SMAD1: variants seen among roughly 807,000 people sequenced by gnomAD.
SMAD1 encodes the protein SMAD family member 1, also known as MAD, mothers against decapentaplegic homolog 1.
SMAD1 carries 6 observed loss-of-function variants against 41.6 expected under a neutral mutation model. That is an observed-to-expected ratio of 0.14 (90% CI 0.08 to 0.28). The LOEUF (loss-of-function observed/expected upper bound fraction) is 0.28. SMAD1 is among the 10% of genes least tolerant of loss of function. SMAD1 has a pLI of 1.00. For synonymous variants in SMAD1, 206 were observed against 203.2 expected, an observed-to-expected ratio of 1.01 and a Z score of -0.12; for missense variants, 379 against 582.6, an observed-to-expected ratio of 0.65 and a Z score of 3.60.
At chr4:145,531,878 T>G (rs1452113679) in intron 2 of SMAD1, among the ~76,000 whole-genome samples, 1 of 152,110 alleles carries the variant, frequency 6.6e-6, no homozygotes, top group Non-Finnish European at 1.5e-5. Context: ...AGAACTCTCT[T>G]GCGTGTTTAA....
intron 2 of SMAD1, among the ~76,000 whole-genome samples, chr4:145,536,291 A>C (rs1451792508): frequency 1.3e-5 from 2 of 152,162 alleles, no homozygotes; most frequent in Non-Finnish European, 2.9e-5. Context: ...GAAGACAGCC[A>C]AATCCCAGAT....
chr4:145,515,648 G>T (rs902343724), intron 2 of SMAD1, among the ~76,000 whole-genome samples: 2 of 152,130 alleles, frequency 1.3e-5, no homozygotes, highest in African/African-American at 4.8e-5. Flanking sequence ...TCTTTTGGGA[G>T]GGTATGGTAA....
intron 1 of SMAD1, among the ~76,000 whole-genome samples, chr4:145,509,077 A>G (rs1390750419): frequency 6.6e-6 from 1 of 152,212 alleles, no homozygotes; most frequent in Non-Finnish European, 1.5e-5. Context: ...ATAGTAGGTA[A>G]ATGCACAGCA....
intron 2 of SMAD1, 89 bp from the exon 3 acceptor site, chr4:145,539,715 T>C: frequency 7.6e-7 from 1 of 1,311,010 alleles, no homozygotes; most frequent in South Asian, 1.3e-5. Context: ...TTTGTTGTTG[T>C]TTACAGATTA....
At chr4:145,543,844 G>A (rs548629559) in intron 4 of SMAD1, among the ~76,000 whole-genome samples, 1 of 152,298 alleles carries the variant, frequency 6.6e-6, no homozygotes, top group East Asian at 1.9e-4. Flanking sequence ...CACATGGCAT[G>A]GGTCATGCAA....
At chr4:145,555,814 C>G (rs1732806979) in intron 6 of SMAD1, among the ~76,000 whole-genome samples, 1 of 152,124 alleles carries the variant, frequency 6.6e-6, no homozygotes, top group Non-Finnish European at 1.5e-5. Flanking sequence ...CTCTTATCAT[C>G]AAGATCCTTA....
intron 5 of SMAD1, 63 bp from the exon 6 acceptor site, chr4:145,553,721 C>A: frequency 7.0e-7 from 1 of 1,435,376 alleles, no homozygotes; most frequent in Non-Finnish European, 9.7e-7. Context: ...GTTGAAGCTG[C>A]ACAGGTGCCT....
chr4:145,498,835 T>C (rs2126314948), intron 1 of SMAD1, among the ~76,000 whole-genome samples: 2 of 152,344 alleles, frequency 1.3e-5, no homozygotes, highest in East Asian at 1.9e-4. Flanking sequence ...TAGTCGAATG[T>C]ATCATAATTT....
chr4:145,531,917 A>G (rs913405418), intron 2 of SMAD1, among the ~76,000 whole-genome samples: 3 of 151,914 alleles, frequency 2.0e-5, no homozygotes, highest in African/African-American at 7.3e-5. Context: ...TCTCACGAAC[A>G]TTTGGTGGGT....
At chr4:145,501,952 TCAAA>T (rs1045510539) in intron 1 of SMAD1, among the ~76,000 whole-genome samples, 2 of 152,212 alleles carry the variant, frequency 1.3e-5, no homozygotes, top group Non-Finnish European at 2.9e-5. Flanking sequence ...AGTTGGTAAC[TCAAA>T]CAATTTCGTT....
intron 4 of SMAD1, chr4:145,545,644 T>C (rs1435643001): frequency 3.3e-5 from 5 of 152,072 alleles, no homozygotes; most frequent in African/African-American, 1.2e-4. Context: ...TTTGTGGAAT[T>C]TGATGTTAAG....
At chr4:145,540,349 T>TA (rs1344071657) in intron 3 of SMAD1, among the ~76,000 whole-genome samples, 2 of 152,272 alleles carry the variant, frequency 1.3e-5, no homozygotes, top group African/African-American at 4.8e-5. Flanking sequence ...GCATAATTGT[T>TA]ACAGTCTTTA....
rs184105688 is a variant in SMAD1, at chr4:145,518,965, T to G, written c.400+3952T>G. Among the ~76,000 whole-genome samples the G allele has an allele frequency of 3.2e-5, 4 of 125,752 alleles. 1 individual carries two copies. The highest frequency in any genetic ancestry group is 3.9e-5 in the Non-Finnish European group (2 of 51,058). The allele number at this position is 125,752 out of a possible 152,430, so 82.5% of individuals were successfully genotyped here. ...GGTACATGTATACATTGTGGAATGA[T>G]CAAATGAGGCTAATTAACATATCTG... is the stretch of plus-strand genomic sequence containing the variant. On this transcript the variant is annotated intron_variant, in intron 2 of 6. Transcript: ENST00000302085.
upstream of SMAD1, chr4:145,481,743 G>A: frequency 5.3e-6 from 1 of 188,948 alleles, no homozygotes; most frequent in Non-Finnish European, 1.1e-5. Context: ...GGCGGCGCGC[G>A]GGTGAGCGGG....
intron 6 of SMAD1, among the ~76,000 whole-genome samples, chr4:145,557,348 A>G (rs922080532): frequency 1.3e-5 from 2 of 152,200 alleles, no homozygotes; most frequent in African/African-American, 4.8e-5. Context: ...GTGTGTTGAT[A>G]GGGGGACCTT....
chr4:145,558,063 G>T lies in SMAD1; in HGVS notation c.*129G>T. On this transcript the variant is annotated 3_prime_UTR_variant, in exon 7 of 7. Transcript: ENST00000302085. ...ACTTGACCTCTGTGACCAACTGTTG[G>T]ATTCAGAAATTTAAACAAAAAAAAA... is the stretch of plus-strand genomic sequence containing the variant. 1.3e-5 allele frequency: 6 copies of T among 445,710 alleles called. No individual in the cohort carries two copies. The highest frequency in any genetic ancestry group is 1.9e-5 in the Non-Finnish European group (5 of 268,858). 27.6% of individuals were successfully genotyped at this position (445,710 alleles called of 1,614,324 possible). A position where few individuals can be genotyped will look rare whatever the true frequency, so the allele number is the denominator to read the frequency against.
chr4:145,486,698 T>G (rs1728494964), intron 1 of SMAD1, among the ~76,000 whole-genome samples: 1 of 152,186 alleles, frequency 6.6e-6, no homozygotes, highest in African/African-American at 2.4e-5. Context: ...ATTTGTAATT[T>G]CCTTTACAGA....
In SMAD1 at chr4:145,514,774, C is replaced by T. The variant is rs1166928530; in HGVS notation, c.161C>T (p.Ala54Val). Residue 54 changes from alanine to valine, a missense_variant, in exon 2 of 7, where the codon GCC (alanine) becomes GTC (valine). By Grantham distance (64) the Ala-to-Val change is moderately conservative. Transcript: ENST00000302085. The surrounding 1 kb of genome is among the most constrained non-coding windows in gnomAD (Gnocchi z 4.7). ...KKGAMEELEKALSCPGQPSNC... is the reference protein window; with the variant it reads ...KKGAMEELEKVLSCPGQPSNC... ...GGTGCCATGGAGGAACTGGAAAAGG[C>T]CTTGAGCTGCCCAGGGCAACCGAGT... 1 of 1,613,974 alleles carries T rather than the reference C, an allele frequency of 6.2e-7. No individual in the cohort carries two copies. The highest frequency in any genetic ancestry group is 1.3e-5 in the African/African-American group (1 of 74,914).
chr4:145,519,965 T>C (rs951669999), intron 2 of SMAD1, among the ~76,000 whole-genome samples: 5 of 152,210 alleles, frequency 3.3e-5, no homozygotes, highest in African/African-American at 1.2e-4. Context: ...AAGTGACAAT[T>C]TCCTTTTTTA....
Sources: gnomAD v4.1 joint callset for allele counts (sites outside exome capture counted in the v4.1 genomes callset) on GRCh38, gnomAD v4.1.1 for gene constraint, Gnocchi (gnomAD v3.1) non-coding constraint, MANE v1.5 for transcripts, NCBI Gene and HGNC (gene_info 2026-07-23, HGNC 2026-07-21) for gene names.